Variants in SYNE2 observed in about 807,000 individuals in gnomAD.
SYNE2 encodes the protein nesprin-2.
A neutral mutation model predicts 856.3 loss-of-function variants in SYNE2; 431 were observed. The ratio of observed to expected loss-of-function variants is 0.50; its 90% CI spans 0.47 to 0.55. The LOEUF is 0.55. Among genes scored for constraint, SYNE2 ranks in the 20% least tolerant of loss-of-function variants. The pLI is 0.00. For synonymous variants in SYNE2, 2,923 were observed against 2,872.3 expected, an observed-to-expected ratio of 1.02 and a Z score of -0.56; for missense variants, 8,129 against 8,023.2, an observed-to-expected ratio of 1.01 and a Z score of -0.50.
chr14:64,202,709 C>A, intron 99 of SYNE2, 92 bp from the exon 100 acceptor site: 1 of 1,535,384 alleles, frequency 6.5e-7, no homozygotes, highest in Non-Finnish European at 9.0e-7. Flanking sequence ...AATGCTCTTA[C>A]TGGCACATTC....
chr14:64,159,824 G>A (rs1254934583), intron 87 of SYNE2, among the ~76,000 whole-genome samples: 5 of 152,214 alleles, frequency 3.3e-5, no homozygotes, highest in Non-Finnish European at 5.9e-5. Flanking sequence ...ACATTATAAG[G>A]TGGAAGAAAG....
At chr14:64,113,916 GATTTAAATAAGGT>G (rs1191848372) in intron 66 of SYNE2, among the ~76,000 whole-genome samples, 1 of 152,046 alleles carries the variant, frequency 6.6e-6, no homozygotes, top group East Asian at 1.9e-4. Context: ...AGTGTCGCAG[GATTTAAATAAGGT>G]ATTTAAAGCA....
At chr14:64,080,956 G>C (rs1452471491) in intron 56 of SYNE2, among the ~76,000 whole-genome samples, 1 of 152,160 alleles carries the variant, frequency 6.6e-6, no homozygotes, top group Non-Finnish European at 1.5e-5. Context: ...GGTCTCAGGA[G>C]TCTAGTAAGG....
At chr14:63,803,158 G>A (rs939477944) in intron 1 of SYNE2, among the ~76,000 whole-genome samples, 2 of 152,310 alleles carry the variant, frequency 1.3e-5, no homozygotes, top group African/African-American at 2.4e-5. Context: ...TAGATACTAA[G>A]GTTCTCCACC....
chr14:63,966,401 T>C (rs2096392002), intron 10 of SYNE2, among the ~76,000 whole-genome samples: 1 of 151,862 alleles, frequency 6.6e-6, no homozygotes, highest in African/African-American at 2.4e-5. Context: ...TGCACTCCTG[T>C]AGTGCCAGCT....
Position 64,208,879 on chromosome 14 carries a change from A to T in SYNE2, c.18323A>T (p.Gln6108Leu). Reference protein sequence around the residue: ...ANETECDSIQQTTRSLDRRWR... With the variant: ...ANETECDSIQLTTRSLDRRWR... ...GAGACCGAGTGTGACTCGATCCAGCAGACCACCAGGAGCCTGGACAGACGC... is the reference window on the plus strand; with the variant it reads ...GAGACCGAGTGTGACTCGATCCAGCTGACCACCAGGAGCCTGGACAGACGC... The change falls in exon 101 of 116, where the codon CAG becomes CTG. Residue 6108 changes from glutamine to leucine, a missense_variant. By Grantham distance (113) the Gln-to-Leu change is moderately radical (BLOSUM62 -2). This residue lies in a region of SYNE2 where 5,410 missense variants were observed against 5,284.8 expected (regional missense o/e 1.02). Transcript: ENST00000555002. 6.2e-7 allele frequency: 1 copy of T among 1,614,230 alleles called. No homozygotes were observed. The highest frequency in any genetic ancestry group is 8.5e-7 in the Non-Finnish European group (1 of 1,180,040).
At position 63,778,336 on chromosome 14, in the gene SYNE2, C is replaced by CT. The variant is rs367572228; in HGVS notation, c.-305+16358dup. Among the ~76,000 whole-genome samples the CT allele has an allele frequency of 7.1e-3, 1,086 of 152,020 alleles. 13 individuals carry two copies. The highest frequency in any genetic ancestry group is 0.025 in the African/African-American group (1,016 of 41,452). ...GCAGAACCGTGAGTCAATTAAACCT[C>CT]TTTTTTTTAATAAATGACCCAGTCT... is the stretch of plus-strand genomic sequence containing the variant. On this transcript the variant is annotated intron_variant, in intron 1 of 23. Transcript: ENST00000674003.
intron 88 of SYNE2, 85 bp from the exon 89 acceptor site, chr14:64,163,316 TC>T: frequency 6.8e-7 from 1 of 1,469,530 alleles, no homozygotes; most frequent in Non-Finnish European, 9.5e-7. Context: ...GCAAATATTC[TC>T]CTAGATTTTG....
At chr14:63,908,968 G>T (rs192680488) in intron 1 of SYNE2, 130 bp from the exon 2 acceptor site, 674 of 614,538 alleles carry the variant, frequency 1.1e-3, no homozygotes, top group Admixed American at 2.4e-3. Flanking sequence ...ATGAACCATG[G>T]AAGCACATAG....
At position 63,977,919 on chromosome 14, in the gene SYNE2, A is replaced by T. The variant is rs764325984; in HGVS notation, c.1308A>T (p.Arg436Ser). ...KMTLFKSLMD[R>S]FEHHSNILLT... The stretch of plus-strand genomic sequence containing the variant: ...TTTCTTTTCAGAGCCTGATGGATAG[A>T]TTTGAGCATCATTCGAACATTCTCC... The change falls in exon 13 of 116, where the codon AGA (arginine) becomes AGT (serine). Residue 436 changes from arginine (R) to serine (S), a missense_variant. Transcript: ENST00000555002. The T allele has an allele frequency of 3.1e-6, 5 of 1,613,060 alleles. No individual in the cohort carries two copies. In the South Asian group the frequency reaches 5.5e-5, roughly 18 times the overall value.
At chr14:64,009,504 C>G (rs2096826645) in intron 31 of SYNE2, among the ~76,000 whole-genome samples, 3 of 129,252 alleles carry the variant, frequency 2.3e-5, no homozygotes, top group African/African-American at 9.0e-5. Flanking sequence ...CCACTGCACT[C>G]TAGCTTGGGT....
intron 2 of SYNE2, among the ~76,000 whole-genome samples, chr14:63,914,373 G>A (rs1566788074): frequency 6.6e-6 from 1 of 152,308 alleles, no homozygotes; most frequent in East Asian, 1.9e-4. Context: ...CCTTCATGGA[G>A]TTGAATTGAA....
At chr14:63,803,992 TC>T (rs1888262078) in intron 1 of SYNE2, among the ~76,000 whole-genome samples, 2 of 152,122 alleles carry the variant, frequency 1.3e-5, no homozygotes, top group African/African-American at 4.8e-5. Context: ...GTGTGGCACT[TC>T]CCCCTTCACT....
rs776657050 is a variant in SYNE2, at chr14:64,170,410, G to T, written c.17183G>T (p.Gly5728Val). The change falls in exon 94 of 116, where the codon GGC becomes GTC. Residue 5728 changes from glycine to valine, a missense_variant. By Grantham distance (109) the Gly-to-Val change is moderately radical. Around this residue, in one of 3 missense-constraint regions of SYNE2, gnomAD observed 5,410 missense variants for 5,284.8 expected, o/e 1.02. Transcript: ENST00000555002. Reference protein sequence around the residue: ...DTSHLLSAVKGQERFSLYQTR... With the variant: ...DTSHLLSAVKVQERFSLYQTR... ...AGCCACCTGCTATCTGCAGTGAAGG[G>T]CCAGGAGCGCTTCAGCCTCTACCAA... The T allele has an allele frequency of 4.3e-6, 7 of 1,614,018 alleles. No homozygotes were observed. Among genetic ancestry groups the T allele is most frequent in the Non-Finnish European group, 5.9e-6 (7 of 1,180,034 alleles).
Position 64,210,026 on chromosome 14 carries a change from A to G in SYNE2, c.18625A>G (p.Thr6209Ala), listed in dbSNP as rs766341717. The G allele has an allele frequency of 1.9e-6, 3 of 1,613,984 alleles. No homozygotes were observed. In the African/African-American group the frequency reaches 4.0e-5, roughly 22 times the overall value. The change falls in exon 103 of 116, where the codon ACA becomes GCA. Residue 6209 changes from threonine (T) to alanine (A), a missense_variant. Thr to Ala is a moderately conservative substitution (Grantham distance 58). This residue lies in a region of SYNE2 where 5,410 missense variants were observed against 5,284.8 expected (regional missense o/e 1.02). Transcript: ENST00000555002. The part of the protein sequence containing the change: ...QYRRLARENR[T>A]DTASRLKQMV... ...CCGGCGGCTGGCCCGGGAGAACCGC[A>G]CAGACACGGCCAGCAGGCTGAAGCA...
chr14:63,834,806 AATTTTT>A (rs1889791086), intron 1 of SYNE2, among the ~76,000 whole-genome samples: 1 of 150,996 alleles, frequency 6.6e-6, no homozygotes, highest in African/African-American at 2.4e-5. Context: ...ACACCCAGCT[AATTTTT>A]GTATTTTTAG....
At chr14:64,221,834 T>A in intron 112 of SYNE2, 130 bp downstream of exon 112, 1 of 1,098,972 alleles carries the variant, frequency 9.1e-7, no homozygotes, top group South Asian at 1.3e-5. Context: ...ATGCACGAGT[T>A]CAGCCCTAGT....
intron 13 of SYNE2, 28 bp downstream of exon 13, chr14:63,978,045 C>CT (rs1381545124): frequency 7.1e-7 from 1 of 1,418,316 alleles, no homozygotes. Flanking sequence ...TTCACAGCTG[C>CT]TGTCACTATT....
intron 105 of SYNE2, 102 bp from the exon 106 acceptor site, chr14:64,214,092 C>T: frequency 6.4e-7 from 1 of 1,555,208 alleles, no homozygotes. Flanking sequence ...ATACTATTGG[C>T]AGTTATTTTT....
Sources: allele counts gnomAD v4.1 joint callset (sites outside exome capture counted in the v4.1 genomes callset), GRCh38; gene constraint gnomAD v4.1.1; regional missense constraint gnomAD v4.1.1; transcripts MANE v1.5; gene names NCBI Gene and HGNC (gene_info 2026-07-23, HGNC 2026-07-21).